ACTN4: variants seen among roughly 807,000 people sequenced by gnomAD.
The protein encoded by ACTN4 is actinin alpha 4, also known as alpha-actinin-4.
ACTN4 carries 18 observed loss-of-function variants against 114.2 expected under a neutral mutation model. That is an observed-to-expected ratio of 0.16 (90% CI 0.11 to 0.23). The LOEUF is 0.23. ACTN4 is among the 10% of genes least tolerant of loss of function. The probability of loss-of-function intolerance (pLI) is 1.00; values close to 1 mark genes in which losing one functional copy is unlikely to be tolerated. For missense variants in ACTN4, 722 were observed against 1,262.9 expected (o/e 0.57, Z 6.49); for synonymous variants, 515 against 506.3 (o/e 1.02, Z -0.23).
Position 38,727,223 on chromosome 19 carries a change from C to G in ACTN4, c.2337+120C>G. 1 of 1,481,988 alleles carries G rather than the reference C, an allele frequency of 6.7e-7. No homozygotes were observed. Among genetic ancestry groups the G allele is most frequent in the South Asian group, 1.2e-5 (1 of 84,062 alleles). The allele number at this position is 1,481,988 out of a possible 1,614,324, so 91.8% of individuals were successfully genotyped here. A position where few individuals can be genotyped will look rare whatever the true frequency, so the allele number is the denominator to read the frequency against. On this transcript the variant is annotated intron_variant, in intron 18 of 20. Transcript: ENST00000252699. This position sits in a 1 kb window ranked among gnomAD's most constrained non-coding sequence, Gnocchi z 5.4. ...CAGTTGCTGAGCGTCGGCCGCCACTCCCAGGGCCAGCAGGGCCCTGCCACT... is the reference window on the plus strand; with the variant it reads ...CAGTTGCTGAGCGTCGGCCGCCACTGCCAGGGCCAGCAGGGCCCTGCCACT...
At chr19:38,706,756 G>T (rs1277619848) in intron 5 of ACTN4, among the ~76,000 whole-genome samples, 1 of 152,158 alleles carries the variant, frequency 6.6e-6, no homozygotes, top group Non-Finnish European at 1.5e-5. Flanking sequence ...GGAGTGAATT[G>T]TTTTTAGAAT....
chr19:38,693,776 C>G (rs1341148926), intron 1 of ACTN4, among the ~76,000 whole-genome samples: 1 of 152,176 alleles, frequency 6.6e-6, no homozygotes. Context: ...GATGCTAGGT[C>G]TCCGTCTCCC....
chr19:38,681,338 T>A (rs909877898), intron 1 of ACTN4, among the ~76,000 whole-genome samples: 1 of 151,914 alleles, frequency 6.6e-6, no homozygotes, highest in African/African-American at 2.4e-5. Flanking sequence ...AGTCTCCTGG[T>A]TTGGATTGAG....
chr19:38,718,088 C>G lies in ACTN4; in HGVS notation c.1291+14C>G. ...CCTGGACTGACGGTACGGCCCAGCTCTGCCCCACTCTGCCCAGCCCCGCTC... is the reference window on the plus strand; with the variant it reads ...CCTGGACTGACGGTACGGCCCAGCTGTGCCCCACTCTGCCCAGCCCCGCTC... On this transcript the variant is annotated intron_variant, in intron 11 of 20. Transcript: ENST00000252699. 1.3e-6 allele frequency: 2 copies of G among 1,595,274 alleles called. No individual in the cohort carries two copies. Among genetic ancestry groups the G allele is most frequent in the Non-Finnish European group, 1.7e-6 (2 of 1,170,598 alleles).
chr19:38,727,999 G>C lies in ACTN4; in HGVS notation c.2391G>C (p.Leu797=). 1 of 1,613,118 alleles carries C rather than the reference G, an allele frequency of 6.2e-7. No individual in the cohort carries two copies. The highest frequency in any genetic ancestry group is 1.1e-5 in the South Asian group (1 of 91,046). Residue 797 remains leucine, a synonymous_variant, in exon 19 of 21, where the codon CTG becomes CTC. Coordinates refer to ENST00000252699, the MANE Select transcript of ACTN4 (RefSeq NM_004924.6). This position sits in a 1 kb window ranked among gnomAD's most constrained non-coding sequence, Gnocchi z 5.4. ...AGTTCAAGGCCTGCCTCATCAGCCT[G>C]GGCTACGACGTGGAGAACGACCGGC... ...PEEFKACLIS[L]GYDVENDRQG... is the part of the protein sequence containing the mutation.
chr19:38,650,893 G>A (rs999690217), intron 1 of ACTN4, among the ~76,000 whole-genome samples: 2 of 152,114 alleles, frequency 1.3e-5, no homozygotes, highest in African/African-American at 2.4e-5. Context: ...GCGCCACCAC[G>A]CCTGGCTTTT....
At chr19:38,706,195 G>T (rs1023903731) in intron 5 of ACTN4, 64 bp downstream of exon 5, 10 of 1,522,528 alleles carry the variant, frequency 6.6e-6, no homozygotes, top group Non-Finnish European at 9.1e-6. Context: ...CCTCCCACCT[G>T]CCCTGTTTGC....
intron 1 of ACTN4, among the ~76,000 whole-genome samples, chr19:38,666,809 TCTTGA>T (rs1220005954): frequency 5.3e-5 from 8 of 152,162 alleles, no homozygotes; most frequent in African/African-American, 1.7e-4. Flanking sequence ...CAGTTTCCAT[TCTTGA>T]CTTAGTGGGA....
intron 11 of ACTN4, among the ~76,000 whole-genome samples, chr19:38,719,504 G>A (rs888349600): frequency 1.6e-4 from 24 of 152,368 alleles, no homozygotes; most frequent in Middle Eastern, 3.4e-3. Context: ...AGGAAAGAGT[G>A]CGAGTGAGAG....
chr19:38,690,402 T>C (rs1253857324), intron 1 of ACTN4, among the ~76,000 whole-genome samples: 1 of 152,244 alleles, frequency 6.6e-6, no homozygotes, highest in East Asian at 1.9e-4. Context: ...TCGCCATTGT[T>C]CCTGTGCGGC....
intron 1 of ACTN4, among the ~76,000 whole-genome samples, chr19:38,686,970 T>G (rs34695343): frequency 0.055 from 8,249 of 150,856 alleles, 238 homozygotes; most frequent in South Asian, 0.092. Flanking sequence ...AGTCTCTTTT[T>G]TTTTTTTTTT....
At position 38,717,779 on chromosome 19, in the gene ACTN4, G is replaced by A; in HGVS notation, c.1144-148G>A. The A allele has an allele frequency of 9.3e-7, 1 of 1,070,602 alleles. No individual in the cohort carries two copies. Among genetic ancestry groups the A allele is most frequent in the Non-Finnish European group, 1.4e-6 (1 of 727,348 alleles). The allele number at this position is 1,070,602 out of a possible 1,614,324, so 66.3% of individuals were successfully genotyped here. ...TACCTGCTGAGTGCTGGGGGGCCCT[G>A]TGTAGGCATCCAGGTATAATAGCAA... On this transcript the variant is annotated intron_variant, in intron 10 of 20. Transcript: ENST00000252699. The surrounding 1 kb of genome is among the most constrained non-coding windows in gnomAD (Gnocchi z 4.0).
chr19:38,682,915 C>T (rs117044606), intron 1 of ACTN4, among the ~76,000 whole-genome samples: 3,179 of 152,314 alleles, frequency 0.021, 51 homozygotes, highest in Middle Eastern at 0.044. Context: ...ATTCCCTCCC[C>T]TCCCCAGTCA....
At chr19:38,710,948 A>C (rs2145035470) in intron 8 of ACTN4, 1 of 175,400 alleles carries the variant, frequency 5.7e-6, no homozygotes, top group South Asian at 1.3e-4. Context: ...GGGCCATGGG[A>C]GCCCCTTAGG....
intron 1 of ACTN4, 75 bp from the exon 2 acceptor site, chr19:38,700,525 G>C: frequency 8.0e-7 from 1 of 1,251,746 alleles, no homozygotes; most frequent in Non-Finnish European, 1.2e-6. Flanking sequence ...TCAGAGCTGC[G>C]GCCCTGCAGG....
At chr19:38,715,030 A>C (rs1474626868) in intron 9 of ACTN4, among the ~76,000 whole-genome samples, 1 of 152,176 alleles carries the variant, frequency 6.6e-6, no homozygotes, top group Non-Finnish European at 1.5e-5. Context: ...GAGGAAACTG[A>C]GGCCCAGGGA....
intron 1 of ACTN4, among the ~76,000 whole-genome samples, chr19:38,688,411 A>AC (rs1555830047): frequency 1.3e-5 from 2 of 148,694 alleles, no homozygotes; most frequent in South Asian, 2.2e-4. Context: ...AAAAAAAAAA[A>AC]CCCACAAAAA....
At chr19:38,687,189 C>G (rs1967774312) in intron 1 of ACTN4, among the ~76,000 whole-genome samples, 1 of 152,056 alleles carries the variant, frequency 6.6e-6, no homozygotes, top group South Asian at 2.1e-4. Flanking sequence ...GACGGCTGGT[C>G]TTGAACTCCT....
At chr19:38,661,626 G>A (rs1477941184) in intron 1 of ACTN4, among the ~76,000 whole-genome samples, 1 of 152,080 alleles carries the variant, frequency 6.6e-6, no homozygotes, top group Non-Finnish European at 1.5e-5. Flanking sequence ...AATAAGTATT[G>A]TAGAAGATGG....
Sources: allele counts gnomAD v4.1 joint callset (sites outside exome capture counted in the v4.1 genomes callset), GRCh38; gene constraint gnomAD v4.1.1; non-coding constraint Gnocchi (gnomAD v3.1); transcripts MANE v1.5; gene names NCBI Gene and HGNC (gene_info 2026-07-23, HGNC 2026-07-21).